The following SYPL1 variants were observed in gnomAD, a reference collection of about 807,000 sequenced individuals.
The protein encoded by SYPL1 is synaptophysin like 1.
In SYPL1, 6 loss-of-function variants were observed where a neutral mutation model predicts 23.7. The ratio of observed to expected loss-of-function variants is 0.25; its 90% CI spans 0.14 to 0.50. The LOEUF (loss-of-function observed/expected upper bound fraction) is 0.50. Ranked by LOEUF, SYPL1 falls within the 20% of genes least tolerant of loss-of-function variation. The pLI is 0.98. For missense variants in SYPL1, 253 were observed against 288.9 expected, an observed-to-expected ratio of 0.88 and a Z score of 0.90; for synonymous variants, 102 against 104.5, an observed-to-expected ratio of 0.98 and a Z score of 0.15.
In SYPL1 at chr7:106,093,680, T is replaced by A. The variant is rs1241153500; in HGVS notation, c.403-543A>T. Among the ~76,000 whole-genome samples, 2 of 126,664 alleles carry A rather than the reference T, an allele frequency of 1.6e-5. 1 individual carries two copies. The highest frequency in any genetic ancestry group is 1.8e-4 in the Admixed American group (2 of 11,182). The allele number at this position is 126,664 out of a possible 152,430, so 83.1% of individuals were successfully genotyped here. ...TGTTCTAAGGGCCTTCATTATCATC[T>A]CTTGCACATACTCTCAACTCACTTA... On this transcript the variant is annotated intron_variant, in intron 3 of 4. Transcript: ENST00000455385.
intron 1 of SYPL1, chr7:106,111,842 G>A (rs1790166776): frequency 1.1e-5 from 2 of 186,474 alleles, no homozygotes; most frequent in African/African-American, 2.4e-5. Context: ...GGAGCCAAGG[G>A]GAAATTTGAA....
chr7:106,093,408 C>CAACAT (rs1585934132), intron 3 of SYPL1, among the ~76,000 whole-genome samples: 1 of 152,248 alleles, frequency 6.6e-6, no homozygotes, highest in East Asian at 1.9e-4. Flanking sequence ...ATACAGCCTT[C>CAACAT]AACATAACCT....
intron 1 of SYPL1, among the ~76,000 whole-genome samples, chr7:106,103,063 AG>A (rs1025896052): frequency 2.6e-5 from 4 of 152,222 alleles, no homozygotes; most frequent in African/African-American, 9.6e-5. Flanking sequence ...AATGTCACAA[AG>A]GATTTACTAG....
chr7:106,093,192 T>G, intron 3 of SYPL1, 55 bp from the exon 4 acceptor site: 1 of 1,427,822 alleles, frequency 7.0e-7, no homozygotes, highest in South Asian at 1.5e-5. Flanking sequence ...AATACTAAAT[T>G]TCAAATCCAT....
chr7:106,103,548 T>C (rs562932621), intron 1 of SYPL1, among the ~76,000 whole-genome samples: 4 of 152,356 alleles, frequency 2.6e-5, no homozygotes, highest in African/African-American at 9.6e-5. Flanking sequence ...ATGTCACTAA[T>C]CTAAATTGAT....
At chr7:106,102,449 C>T (rs1021060823) in intron 1 of SYPL1, among the ~76,000 whole-genome samples, 3 of 152,140 alleles carry the variant, frequency 2.0e-5, no homozygotes, top group South Asian at 4.2e-4. Context: ...TCTCATTCTC[C>T]GGGGGAAGCC....
intron 1 of SYPL1, among the ~76,000 whole-genome samples, chr7:106,107,334 G>C (rs1484873130): frequency 1.3e-5 from 2 of 152,160 alleles, no homozygotes; most frequent in African/African-American, 2.4e-5. Flanking sequence ...ATTCCCACTG[G>C]GAAATAAAGT....
In SYPL1 at chr7:106,097,819, G is replaced by A. The variant is rs377445830; in HGVS notation, c.273C>T (p.Gly91=). 3.7e-6 allele frequency: 6 copies of A among 1,613,894 alleles called. No individual in the cohort carries two copies. Among genetic ancestry groups the A allele is most frequent in the African/African-American group, 1.3e-5 (1 of 74,922 alleles). The change falls in exon 3 of 5, where the codon GGC becomes GGT. Residue 91 remains glycine, a synonymous_variant. Transcript: ENST00000455385. The surrounding 1 kb of genome is among the most constrained non-coding windows in gnomAD (Gnocchi z 4.6). ...DVNWKDYVLI[G]DYSSSAQFYV... is the part of the protein sequence containing the mutation. ...AGAATTGTGCAGAAGAAGAGTAATC[G>A]CCTATGAGGACGTAATCTTTCCAAT...
chr7:106,111,174 C>T (rs560071325), intron 1 of SYPL1, among the ~76,000 whole-genome samples: 35 of 152,238 alleles, frequency 2.3e-4, no homozygotes, highest in Non-Finnish European at 4.3e-4. Flanking sequence ...TGAGTTTCTA[C>T]GCTGCTTTTA....
At chr7:106,112,450 A>G (rs2116238251), upstream of SYPL1, 1 of 1,462,252 alleles carries the variant, frequency 6.8e-7, no homozygotes, top group Non-Finnish European at 9.0e-7. Flanking sequence ...GCCGGGGCGG[A>G]GACCGGGAGG....
At chr7:106,105,713 T>G (rs1422600656) in intron 1 of SYPL1, among the ~76,000 whole-genome samples, 1 of 152,102 alleles carries the variant, frequency 6.6e-6, no homozygotes, top group South Asian at 2.1e-4. Flanking sequence ...CTGAAACCCA[T>G]GCTGGGCATG....
chr7:106,112,490 G>T, upstream of SYPL1: 1 of 1,523,116 alleles, frequency 6.6e-7, no homozygotes, highest in Non-Finnish European at 8.8e-7. Flanking sequence ...TGGCCGAGTC[G>T]ACTGATCCGC....
rs1256461336 is a variant in SYPL1 at position 106,103,897 on chromosome 7, T to C, written c.70-4615A>G. On this transcript the variant is annotated intron_variant, in intron 1 of 4. Coordinates refer to ENST00000455385, the MANE Select transcript of SYPL1 (RefSeq NM_182715.4). ...GAATTTCCTCAATTGTTTTTCAACC[T>C]AAATTAAACAAAAAATGCTCCAACT... Among the ~76,000 whole-genome samples, 4 of 152,328 alleles carry C rather than the reference T, an allele frequency of 2.6e-5. No homozygotes were observed. In the East Asian group the frequency reaches 7.7e-4, roughly 29 times the overall value.
At chr7:106,101,466 C>CTA (rs1563340812) in intron 1 of SYPL1, among the ~76,000 whole-genome samples, 1 of 128,124 alleles carries the variant, frequency 7.8e-6, no homozygotes, top group East Asian at 2.3e-4. Context: ...CCCCCCCCCC[C>CTA]CACAAAAAAG....
intron 3 of SYPL1, among the ~76,000 whole-genome samples, chr7:106,094,684 C>T (rs1439292329): frequency 6.6e-6 from 1 of 152,116 alleles, no homozygotes. Context: ...GAGGTTATAT[C>T]GCATGTTAAA....
At position 106,104,372 on chromosome 7, in the gene SYPL1, T is replaced by C. The variant is rs930088830; in HGVS notation, c.70-5090A>G. Among the ~76,000 whole-genome samples, 2 of 152,154 alleles carry C rather than the reference T, an allele frequency of 1.3e-5. No homozygotes were observed. The highest frequency in any genetic ancestry group is 4.1e-4 in the South Asian group (2 of 4,836). On this transcript the variant is annotated intron_variant, in intron 1 of 4. Transcript: ENST00000455385. The surrounding 1 kb of genome is among the most constrained non-coding windows in gnomAD (Gnocchi z 4.1). The stretch of plus-strand genomic sequence containing the variant: ...CAGCTTGGGCAACACAGTGAGACCC[T>C]GTCTTAAAAATAAAATAAAATAAAA...
chr7:106,097,901 T>C lies in SYPL1; in HGVS notation c.195-4A>G, dbSNP rs752160704. The C allele has an allele frequency of 3.7e-6, 6 of 1,607,106 alleles. No homozygotes were observed. In the Admixed American group the frequency reaches 6.7e-5, roughly 18 times the overall value. ...CTGAAATGATGCCTCATTCAACCTA[T>C]TAAAATAAATGTATGAATTATTGGA... On this transcript the variant is annotated splice_polypyrimidine_tract_variant and splice_region_variant and intron_variant, in intron 2 of 4. Coordinates refer to ENST00000455385, the MANE Select transcript of SYPL1 (RefSeq NM_182715.4). The surrounding 1 kb of genome is among the most constrained non-coding windows in gnomAD (Gnocchi z 4.6).
rs1840037479 is a variant in SYPL1 at position 106,096,791 on chromosome 7, T to C, written c.402+899A>G. On this transcript the variant is annotated intron_variant, in intron 3 of 4. Transcript: ENST00000455385. This position sits in a 1 kb window ranked among gnomAD's most constrained non-coding sequence, Gnocchi z 4.4. ...TAGACCAGGAATCAACAAACTTCTT[T>C]TGAAAAGGGCCAAATAGCAACTATT... is the stretch of plus-strand genomic sequence containing the variant. 6.6e-6 allele frequency among the ~76,000 whole-genome samples: 1 copy of C among 152,204 alleles called. No homozygotes were observed. The highest frequency in any genetic ancestry group is 2.1e-4 in the South Asian group (1 of 4,834).
chr7:106,100,399 TAGAA>T lies in SYPL1; in HGVS notation c.70-1121_70-1118del, dbSNP rs1368194559. 6.6e-6 allele frequency among the ~76,000 whole-genome samples: 1 copy of T among 152,226 alleles called. No individual in the cohort carries two copies. Among genetic ancestry groups the T allele is most frequent in the Non-Finnish European group, 1.5e-5 (1 of 68,048 alleles). On this transcript the variant is annotated intron_variant, in intron 1 of 4. Transcript: ENST00000455385. This position sits in a 1 kb window ranked among gnomAD's most constrained non-coding sequence, Gnocchi z 5.1. ...CATAGAATGTTGGAGATTAACAACA[TAGAA>T]AGTGTTCATTACATACAAAGTAGAT...
Sources: gnomAD v4.1 joint callset for allele counts (sites outside exome capture counted in the v4.1 genomes callset) on GRCh38, gnomAD v4.1.1 for gene constraint, Gnocchi (gnomAD v3.1) non-coding constraint, MANE v1.5 for transcripts, NCBI Gene and HGNC (gene_info 2026-07-23, HGNC 2026-07-21) for gene names.